The following AP3B1 variants were observed in gnomAD, a reference collection of about 807,000 sequenced individuals.
The protein encoded by AP3B1 is AP-3 complex subunit beta-1.
A neutral mutation model predicts 132.5 loss-of-function variants in AP3B1; 61 were observed. That is an observed-to-expected ratio of 0.46 (90% CI 0.37 to 0.57). The LOEUF is 0.57. AP3B1 is among the 20% of genes least tolerant of loss of function. The pLI is 0.00. For missense variants in AP3B1, 1,120 were observed against 1,289.4 expected, an observed-to-expected ratio of 0.87 and a Z score of 2.01; for synonymous variants, 388 against 438.3, an observed-to-expected ratio of 0.89 and a Z score of 1.43.
chr5:78,247,138 C>T (rs1156981384), intron 2 of AP3B1, among the ~76,000 whole-genome samples: 1 of 151,482 alleles, frequency 6.6e-6, no homozygotes, highest in Non-Finnish European at 1.5e-5. Context: ...ATTTTGATCT[C>T]TTCCAATGAC....
chr5:78,223,011 G>T (rs142246254), intron 6 of AP3B1, among the ~76,000 whole-genome samples: 1 of 120,822 alleles, frequency 8.3e-6, no homozygotes, highest in Admixed American at 8.1e-5. Flanking sequence ...TTGTTTTTTT[G>T]TTTGTTTGTT....
chr5:78,292,981 C>T (rs1449615416), intron 1 of AP3B1, among the ~76,000 whole-genome samples: 1 of 152,042 alleles, frequency 6.6e-6, no homozygotes. Flanking sequence ...CGGGTTCAAG[C>T]GATTCTCCTG....
Position 78,020,709 on chromosome 5 carries a change from T to G in AP3B1, c.2975A>C (p.Asp992Ala). 6.2e-7 allele frequency: 1 copy of G among 1,612,236 alleles called. No homozygotes were observed. The highest frequency in any genetic ancestry group is 8.5e-7 in the Non-Finnish European group (1 of 1,178,772). Residue 992 changes from aspartate to alanine, a missense_variant, in exon 25 of 27, where the codon GAT (aspartate) becomes GCT (alanine). Asp to Ala is a moderately radical substitution (Grantham distance 126). Transcript: ENST00000255194. ...LLLPVAMSEK[D>A]FKKEQGVLTG... ...TCTCTCACCTTGCTCTTTCTTAAAA[T>G]CTTTCTCTGACATGGCCACAGGTAA...
At chr5:78,050,732 G>A (rs374286436) in intron 22 of AP3B1, among the ~76,000 whole-genome samples, 2 of 152,114 alleles carry the variant, frequency 1.3e-5, no homozygotes, top group Non-Finnish European at 2.9e-5. Flanking sequence ...ATATAAACAA[G>A]AGTATGAAAG....
chr5:78,014,773 C>A (rs1276188633), intron 26 of AP3B1, among the ~76,000 whole-genome samples: 1 of 152,160 alleles, frequency 6.6e-6, no homozygotes, highest in Non-Finnish European at 1.5e-5. Context: ...TTATTTTTAT[C>A]TTTACATTCA....
intron 22 of AP3B1, among the ~76,000 whole-genome samples, chr5:78,072,709 A>ATTTTTT: frequency 1.4e-5 from 1 of 72,316 alleles, no homozygotes; most frequent in Non-Finnish European, 2.9e-5. Flanking sequence ...TGTCTGATAT[A>ATTTTTT]TTCTTTTTTT....
At chr5:78,122,124 C>T (rs570520978) in intron 17 of AP3B1, among the ~76,000 whole-genome samples, 7 of 152,082 alleles carry the variant, frequency 4.6e-5, no homozygotes, top group South Asian at 4.2e-4. Flanking sequence ...GATGCAGAAA[C>T]GGCCTTTGAC....
intron 1 of AP3B1, 46 bp from the exon 2 acceptor site, chr5:78,267,641 TTAGA>T: frequency 9.0e-7 from 1 of 1,115,992 alleles, no homozygotes; most frequent in Non-Finnish European, 1.3e-6. Flanking sequence ...GATTTTTATA[TTAGA>T]TAGCTTAAAA....
intron 14 of AP3B1, among the ~76,000 whole-genome samples, chr5:78,150,109 A>T (rs1683604254): frequency 6.6e-6 from 1 of 152,178 alleles, no homozygotes; most frequent in South Asian, 2.1e-4. Context: ...GAGAATGAGA[A>T]TACAGATTAA....
At chr5:78,256,429 A>G (rs1301809858) in intron 2 of AP3B1, among the ~76,000 whole-genome samples, 2 of 152,184 alleles carry the variant, frequency 1.3e-5, no homozygotes, top group African/African-American at 4.8e-5. Context: ...AGAAATGGAC[A>G]AATTCCTAGA....
chr5:78,241,495 T>C (rs1747137901), intron 2 of AP3B1, among the ~76,000 whole-genome samples: 1 of 152,206 alleles, frequency 6.6e-6, no homozygotes, highest in Non-Finnish European at 1.5e-5. Context: ...GCATTTGCAA[T>C]GGGGGAATTG....
chr5:78,026,051 T>C (rs575650680), intron 24 of AP3B1, among the ~76,000 whole-genome samples: 1 of 152,236 alleles, frequency 6.6e-6, no homozygotes, highest in Non-Finnish European at 1.5e-5. Flanking sequence ...TTTGATTTAT[T>C]TCTCTCTCCA....
chr5:78,054,044 G>T lies in AP3B1; in HGVS notation c.2578-14770C>A, dbSNP rs181238647. Among the ~76,000 whole-genome samples the T allele has an allele frequency of 2.1e-3, 313 of 152,288 alleles. 3 individuals carry two copies. Among genetic ancestry groups the T allele is most frequent in the Middle Eastern group, 3.4e-3 (1 of 294 alleles). On this transcript the variant is annotated intron_variant, in intron 22 of 26. Coordinates refer to ENST00000255194, the MANE Select transcript of AP3B1 (RefSeq NM_003664.5). ...AAGGGATCTCAATTTTCAAGTCTGT[G>T]AAATGGGGACACTAGCACCTATCTT...
intron 7 of AP3B1, among the ~76,000 whole-genome samples, chr5:78,207,426 C>CA (rs1561477497): frequency 6.7e-6 from 1 of 149,634 alleles, no homozygotes; most frequent in Admixed American, 6.7e-5. Flanking sequence ...GATCCTGTCT[C>CA]AAAAAAAAGA....
intron 7 of AP3B1, among the ~76,000 whole-genome samples, chr5:78,188,630 G>T (rs1744700856): frequency 6.6e-6 from 1 of 152,110 alleles, no homozygotes; most frequent in Non-Finnish European, 1.5e-5. Context: ...CTGTTGGTGG[G>T]TACATAAATT....
At position 78,166,074 on chromosome 5, in the gene AP3B1, C is replaced by T. The variant is rs937278809; in HGVS notation, c.1168-402G>A. Among the ~76,000 whole-genome samples the T allele has an allele frequency of 1.0e-4, 15 of 150,332 alleles. No individual in the cohort carries two copies. The Middle Eastern group carries it at 0.01, about 105-fold the overall frequency. ...GGCAGAGGTTGCAGTGAGCCGAGAT[C>T]GCGCCATTGCACTCCAGCCTGGGAA... On this transcript the variant is annotated intron_variant, in intron 11 of 26. Coordinates refer to ENST00000255194, the MANE Select transcript of AP3B1 (RefSeq NM_003664.5).
chr5:78,115,372 G>C (rs550200832), intron 18 of AP3B1, among the ~76,000 whole-genome samples: 1 of 152,290 alleles, frequency 6.6e-6, no homozygotes, highest in African/African-American at 2.4e-5. Context: ...AGAAAGTTGG[G>C]TGTCGTTTGG....
At chr5:78,285,134 A>G in intron 1 of AP3B1, among the ~76,000 whole-genome samples, 1 of 141,580 alleles carries the variant, frequency 7.1e-6, no homozygotes, top group Non-Finnish European at 1.6e-5. Context: ...CTGTAGTCCC[A>G]GCTACTCGGG....
intron 24 of AP3B1, among the ~76,000 whole-genome samples, chr5:78,033,445 A>C (rs1219255180): frequency 1.3e-5 from 2 of 152,030 alleles, no homozygotes; most frequent in Non-Finnish European, 2.9e-5. Flanking sequence ...TTACTGGTAA[A>C]CTGAAAAGGT....
Sources: allele counts gnomAD v4.1 joint callset (sites outside exome capture counted in the v4.1 genomes callset), GRCh38; gene constraint gnomAD v4.1.1; transcripts MANE v1.5; gene names NCBI Gene and HGNC (gene_info 2026-07-23, HGNC 2026-07-21).